Variants in ARHGEF10 observed in about 807,000 individuals in gnomAD.
ARHGEF10 encodes the protein Rho guanine nucleotide exchange factor 10, also known as Rho guanine nucleotide exchange factor (GEF) 10.
Under a neutral mutation model 147.4 loss-of-function variants are expected in ARHGEF10, and 140 were observed. The observed-to-expected ratio is 0.95, with a 90% CI of 0.83 to 1.09. The LOEUF (loss-of-function observed/expected upper bound fraction) is 1.09. ARHGEF10 is among the 50% of genes least tolerant of loss of function. The pLI is 0.00. For synonymous variants in ARHGEF10, 902 were observed against 695.8 expected (o/e 1.30, Z -4.67); for missense variants, 2,222 against 1,752.7 (o/e 1.27, Z -4.78).
intron 1 of ARHGEF10, among the ~76,000 whole-genome samples, chr8:1,837,216 C>G (rs553450229): frequency 6.6e-5 from 10 of 152,388 alleles, no homozygotes; most frequent in African/African-American, 2.2e-4. Flanking sequence ...CTGACAGTTG[C>G]TTCCCAGAGC....
chr8:1,909,223 T>A, intron 17 of ARHGEF10, 72 bp from the exon 18 acceptor site: 16 of 1,596,674 alleles, frequency 1.0e-5, no homozygotes, highest in Non-Finnish European at 1.2e-5. Flanking sequence ...CACTTGAACA[T>A]CTGAGGGATG....
rs1040619691 is a variant in ARHGEF10 at position 1,937,496 on chromosome 8, C to G, written c.3222+3554C>G. Among the ~76,000 whole-genome samples the G allele has an allele frequency of 1.3e-5, 2 of 152,178 alleles. No homozygotes were observed. The highest frequency in any genetic ancestry group is 2.9e-5 in the Non-Finnish European group (2 of 68,034). ...CTTGTAATTTATATGCTGTAAATCT[C>G]GAAGACTCAGAGAGAAGCAATGTGT... On this transcript the variant is annotated intron_variant, in intron 26 of 28. Transcript: ENST00000349830. The surrounding 1 kb of genome is among the most constrained non-coding windows in gnomAD (Gnocchi z 4.9).
chr8:1,880,236 G>C, intron 9 of ARHGEF10, 72 bp downstream of exon 9: 4 of 1,044,998 alleles, frequency 3.8e-6, no homozygotes, highest in Admixed American at 1.7e-5. Flanking sequence ...CGGCTCGGTC[G>C]GTCCTTGCTG....
chr8:1,947,153 G>T (rs1277292837), intron 27 of ARHGEF10, among the ~76,000 whole-genome samples: 1 of 152,158 alleles, frequency 6.6e-6, no homozygotes, highest in Non-Finnish European at 1.5e-5. Context: ...AGTCACATCC[G>T]TAATTGCCAA....
At chr8:1,946,354 G>T (rs1031946925) in intron 27 of ARHGEF10, among the ~76,000 whole-genome samples, 4 of 152,222 alleles carry the variant, frequency 2.6e-5, no homozygotes, top group Non-Finnish European at 4.4e-5. Context: ...CCCTTCGGCT[G>T]CTGTGACACA....
intron 18 of ARHGEF10, among the ~76,000 whole-genome samples, chr8:1,910,210 A>G (rs1301893188): frequency 1.3e-5 from 2 of 152,238 alleles, no homozygotes; most frequent in South Asian, 2.1e-4. Flanking sequence ...AACCTTTCAT[A>G]GGTTAAATAT....
intron 18 of ARHGEF10, 66 bp downstream of exon 18, chr8:1,909,536 G>C: frequency 6.3e-7 from 1 of 1,592,608 alleles, no homozygotes; most frequent in South Asian, 1.1e-5. Flanking sequence ...CATGCTAGCT[G>C]TGGGGCCAGC....
At chr8:1,916,020 A>T (rs1435569479) in intron 18 of ARHGEF10, among the ~76,000 whole-genome samples, 2 of 152,224 alleles carry the variant, frequency 1.3e-5, no homozygotes, top group African/African-American at 4.8e-5. Context: ...ATAGCTCCTC[A>T]GCCATGGGGA....
At chr8:1,916,765 A>G (rs1239927306) in intron 18 of ARHGEF10, among the ~76,000 whole-genome samples, 2 of 152,292 alleles carry the variant, frequency 1.3e-5, no homozygotes, top group East Asian at 1.9e-4. Flanking sequence ...TTTAAAAATT[A>G]CCCTCTTTCT....
intron 9 of ARHGEF10, among the ~76,000 whole-genome samples, chr8:1,880,599 A>C (rs1320643668): frequency 2.0e-5 from 3 of 152,220 alleles, no homozygotes; most frequent in Non-Finnish European, 4.4e-5. Flanking sequence ...AAATGCAGTA[A>C]ATATTGATAC....
chr8:1,895,735 A>G (rs1194774968), intron 13 of ARHGEF10, among the ~76,000 whole-genome samples: 1 of 152,202 alleles, frequency 6.6e-6, no homozygotes, highest in East Asian at 1.9e-4. Flanking sequence ...CATCCATCCT[A>G]AAGGACTTAC....
intron 15 of ARHGEF10, among the ~76,000 whole-genome samples, chr8:1,901,699 G>A (rs1810476007): frequency 6.6e-6 from 1 of 152,256 alleles, no homozygotes; most frequent in African/African-American, 2.4e-5. Context: ...GCTGGCTGCT[G>A]TCTCCATCGC....
At chr8:1,920,176 C>A (rs557343858) in intron 18 of ARHGEF10, among the ~76,000 whole-genome samples, 1 of 151,860 alleles carries the variant, frequency 6.6e-6, no homozygotes, top group Non-Finnish European at 1.5e-5. Flanking sequence ...GAGATGTTCA[C>A]GTGCATTTAT....
intron 18 of ARHGEF10, among the ~76,000 whole-genome samples, chr8:1,919,775 ATGGGTGATGGAGCTGTTCTG>A (rs1403571888): frequency 2.9e-4 from 22 of 76,540 alleles, no homozygotes; most frequent in East Asian, 4.8e-4. Flanking sequence ...GAGCTGTTCT[ATGGGTGATGGAGCTGTTCTG>A]TGGGTGATGG....
intron 4 of ARHGEF10, among the ~76,000 whole-genome samples, chr8:1,860,913 G>T (rs1008784199): frequency 2.6e-5 from 4 of 152,150 alleles, no homozygotes; most frequent in Non-Finnish European, 5.9e-5. Flanking sequence ...TTGCCTCAGG[G>T]GCTCCCTGTT....
chr8:1,893,452 G>A (rs1437309796), intron 11 of ARHGEF10, 117 bp from the exon 12 acceptor site: 2 of 733,582 alleles, frequency 2.7e-6, no homozygotes, highest in Middle Eastern at 2.5e-4. Context: ...CTACCCTTGT[G>A]CACTGTTTTC....
intron 28 of ARHGEF10, among the ~76,000 whole-genome samples, chr8:1,955,465 AG>A (rs1815470703): frequency 6.9e-6 from 1 of 145,580 alleles, no homozygotes; most frequent in Non-Finnish European, 1.5e-5. Flanking sequence ...CTGGATGGGT[AG>A]CTAGGAGCAT....
At chr8:1,914,858 A>G (rs574353492) in intron 18 of ARHGEF10, among the ~76,000 whole-genome samples, 67 of 152,252 alleles carry the variant, frequency 4.4e-4, no homozygotes, top group African/African-American at 1.6e-3. Context: ...GAGCAAACAC[A>G]CCACCTGGCC....
intron 18 of ARHGEF10, among the ~76,000 whole-genome samples, chr8:1,921,051 A>C (rs570866807): frequency 1.3e-5 from 2 of 152,238 alleles, no homozygotes; most frequent in East Asian, 3.9e-4. Flanking sequence ...CTCCCAAAGC[A>C]CTGGGATTAC....
Sources: allele counts gnomAD v4.1 joint callset (sites outside exome capture counted in the v4.1 genomes callset), GRCh38; gene constraint gnomAD v4.1.1; non-coding constraint Gnocchi (gnomAD v3.1); transcripts MANE v1.5; gene names NCBI Gene and HGNC (gene_info 2026-07-23, HGNC 2026-07-21).